NEURL1: variants seen among roughly 807,000 people sequenced by gnomAD.
NEURL1 encodes neuralized E3 ubiquitin protein ligase 1.
NEURL1 carries 26 observed loss-of-function variants against 41.2 expected under a neutral mutation model. That is an observed-to-expected ratio of 0.63 (90% confidence interval 0.46 to 0.87). The LOEUF (loss-of-function observed/expected upper bound fraction) is 0.87, where lower values mean the gene tolerates loss of function less well. Among genes scored for constraint, NEURL1 ranks in the 40% least tolerant of loss-of-function variants. NEURL1 has a pLI of 0.00. For missense variants in NEURL1, 761 were observed against 871.1 expected (o/e 0.87, Z 1.59); for synonymous variants, 400 against 402.3 (o/e 0.99, Z 0.07).
chr10:103,506,081 G>A (rs2133846777), intron 1 of NEURL1, among the ~76,000 whole-genome samples: 1 of 152,320 alleles, frequency 6.6e-6, no homozygotes. Context: ...ATGCCATCCT[G>A]GCTGCTCCAG....
intron 1 of NEURL1, among the ~76,000 whole-genome samples, chr10:103,494,971 G>A (rs774106004): frequency 1.3e-5 from 2 of 152,158 alleles, no homozygotes; most frequent in East Asian, 1.9e-4. Flanking sequence ...GGTTCCTGGG[G>A]TCCTTTGCAG....
At chr10:103,551,297 A>ATTTTTTTTTTTTTTTTTTTTTTTTTT (rs528332099) in intron 1 of NEURL1, among the ~76,000 whole-genome samples, 1 of 118,708 alleles carries the variant, frequency 8.4e-6, no homozygotes, top group Non-Finnish European at 1.7e-5. Flanking sequence ...GGTCAAATGA[A>ATTTTTTTTTTTTTTTTTTTTTTTTTT]TTTTTTTTTT....
intron 2 of NEURL1, 116 bp from the exon 3 acceptor site, chr10:103,571,385 T>A: frequency 8.5e-7 from 1 of 1,177,756 alleles, no homozygotes; most frequent in South Asian, 1.6e-5. Context: ...GGAACTGTGC[T>A]GGAATGGTGG....
At chr10:103,536,333 C>A (rs2133861814) in intron 1 of NEURL1, among the ~76,000 whole-genome samples, 1 of 152,258 alleles carries the variant, frequency 6.6e-6, no homozygotes, top group African/African-American at 2.4e-5. Context: ...CACCTGAGGT[C>A]AGGAGTTTGA....
intron 1 of NEURL1, among the ~76,000 whole-genome samples, chr10:103,530,921 G>A (rs1443645089): frequency 6.6e-6 from 1 of 151,938 alleles, no homozygotes; most frequent in Non-Finnish European, 1.5e-5. Context: ...TCTATGTGCT[G>A]ATAAAAATAA....
rs1004913238 is a variant in NEURL1, at chr10:103,545,175, G to T, written c.86-25697G>T. On this transcript the variant is annotated intron_variant, in intron 1 of 5. Coordinates refer to ENST00000369780, the MANE Select transcript of NEURL1 (RefSeq NM_004210.5). This position sits in a 1 kb window ranked among gnomAD's most constrained non-coding sequence, Gnocchi z 4.5. Reference sequence around the variant, plus strand: ...GAACAGCTAGGAGCTAGAGCGGTGGGTTTCTGTCATTGCAGTCACCCTGTG... The same window carrying T: ...GAACAGCTAGGAGCTAGAGCGGTGGTTTTCTGTCATTGCAGTCACCCTGTG... 2.6e-5 allele frequency among the ~76,000 whole-genome samples: 4 copies of T among 152,218 alleles called. No individual in the cohort carries two copies. Among genetic ancestry groups the T allele is most frequent in the African/African-American group, 9.6e-5 (4 of 41,452 alleles).
At chr10:103,500,180 C>T (rs146912493) in intron 1 of NEURL1, among the ~76,000 whole-genome samples, 1,588 of 152,282 alleles carry the variant, frequency 0.01, 15 homozygotes, top group Admixed American at 0.018. Flanking sequence ...GTTTTCAGTT[C>T]GGTTTTACCT....
intron 1 of NEURL1, among the ~76,000 whole-genome samples, chr10:103,513,662 A>C (rs2034128264): frequency 6.6e-6 from 1 of 151,634 alleles, no homozygotes; most frequent in African/African-American, 2.4e-5. Flanking sequence ...TCACAGGGCA[A>C]GTTGAAGCAG....
intron 1 of NEURL1, chr10:103,555,294 G>T: frequency 8.2e-7 from 1 of 1,218,230 alleles, no homozygotes; most frequent in Non-Finnish European, 1.1e-6. Context: ...AGGAGACGGG[G>T]GAGGAGGAGG....
rs770075220 is a variant in NEURL1 at position 103,589,603 on chromosome 10, C to T, written c.1429C>T (p.Leu477=). 3.5e-5 allele frequency: 57 copies of T among 1,613,896 alleles called. No individual in the cohort carries two copies. In the South Asian group the frequency reaches 6.3e-4, roughly 18 times the overall value. ...CTCGCCCAGTGCCCTGGGCAGCCGC[C>T]TGTCTGACCCCTTGCTCAGCACGTG... ...PTSPSALGSR[L]SDPLLSTCSS... is the part of the protein sequence containing the mutation. The change falls in exon 5 of 6, where the codon CTG becomes TTG. Residue 477 remains leucine (L), a synonymous_variant. Coordinates refer to ENST00000369780, the MANE Select transcript of NEURL1 (RefSeq NM_004210.5).
intron 1 of NEURL1, among the ~76,000 whole-genome samples, chr10:103,542,486 C>T (rs894293153): frequency 1.3e-5 from 2 of 152,164 alleles, no homozygotes; most frequent in East Asian, 1.9e-4. Context: ...TGGTCTCAAA[C>T]TCCTGGGCTC....
chr10:103,548,951 C>T (rs1348000209), intron 1 of NEURL1: 1 of 152,274 alleles, frequency 6.6e-6, no homozygotes, highest in African/African-American at 2.4e-5. Context: ...TGACCTGTGA[C>T]ACAGATCTTA....
intron 1 of NEURL1, among the ~76,000 whole-genome samples, chr10:103,557,680 C>T (rs939364852): frequency 6.6e-6 from 1 of 152,198 alleles, no homozygotes; most frequent in South Asian, 2.1e-4. Context: ...GCATATGCGT[C>T]CTCATGCATC....
At chr10:103,524,759 T>C (rs2034426588) in intron 1 of NEURL1, among the ~76,000 whole-genome samples, 1 of 152,230 alleles carries the variant, frequency 6.6e-6, no homozygotes, top group Non-Finnish European at 1.5e-5. Flanking sequence ...TTGCTATAAA[T>C]ACATGGGTTT....
At chr10:103,526,575 G>A (rs187325794) in intron 1 of NEURL1, among the ~76,000 whole-genome samples, 5 of 152,010 alleles carry the variant, frequency 3.3e-5, no homozygotes, top group Admixed American at 6.5e-5. Context: ...GCAGTGGCAC[G>A]ATGTCAGCTC....
intron 1 of NEURL1, among the ~76,000 whole-genome samples, chr10:103,521,317 G>T (rs535707715): frequency 6.6e-6 from 1 of 152,148 alleles, no homozygotes; most frequent in Non-Finnish European, 1.5e-5. Context: ...AGAAATGACC[G>T]CAGTGGCCTT....
chr10:103,506,442 A>C (rs2033946806), intron 1 of NEURL1, among the ~76,000 whole-genome samples: 1 of 152,148 alleles, frequency 6.6e-6, no homozygotes, highest in African/African-American at 2.4e-5. Flanking sequence ...AGAGGTGAGT[A>C]CTGGGCATGG....
intron 1 of NEURL1, among the ~76,000 whole-genome samples, chr10:103,563,607 G>A (rs1396511890): frequency 6.6e-6 from 1 of 152,218 alleles, no homozygotes; most frequent in Non-Finnish European, 1.5e-5. Flanking sequence ...AGGCGCAGAT[G>A]AGGCAGAGGG....
Position 103,589,633 on chromosome 10 carries a change from T to C in NEURL1, c.1459T>C (p.Ser487Pro). Residue 487 changes from serine (S) to proline (P), a missense_variant, in exon 5 of 6, where the codon TCT becomes CCT. Transcript: ENST00000369780. ...LSDPLLSTCS[S>P]GPLGSSAGGT... is the part of the protein sequence containing the mutation. ...TGACCCCTTGCTCAGCACGTGCAGC[T>C]CTGGCCCTCTGGGTAGCTCTGCTGG... is the stretch of plus-strand genomic sequence containing the variant. 6.2e-7 allele frequency: 1 copy of C among 1,613,064 alleles called. No individual in the cohort carries two copies. The highest frequency in any genetic ancestry group is 8.5e-7 in the Non-Finnish European group (1 of 1,179,488).
Sources: gnomAD v4.1 joint callset for allele counts (sites outside exome capture counted in the v4.1 genomes callset) on GRCh38, gnomAD v4.1.1 for gene constraint, Gnocchi (gnomAD v3.1) non-coding constraint, MANE v1.5 for transcripts, NCBI Gene and HGNC (gene_info 2026-07-23, HGNC 2026-07-21) for gene names.